Variants in NAT10 observed in about 807,000 individuals in gnomAD.
NAT10 encodes RNA cytidine acetyltransferase.
In NAT10, 109 loss-of-function variants were observed where a neutral mutation model predicts 132.2. That is an observed-to-expected ratio of 0.82 (90% CI 0.71 to 0.97). NAT10 has a LOEUF of 0.97. Ranked by LOEUF, NAT10 falls within the 50% of genes least tolerant of loss-of-function variation. NAT10 has a pLI of 0.00. For missense variants in NAT10, 1,184 were observed against 1,263.4 expected (o/e 0.94, Z 0.95); for synonymous variants, 479 against 478.0 (o/e 1.00, Z -0.03).
chr11:34,109,419 A>G (rs1016505983), intron 3 of NAT10, among the ~76,000 whole-genome samples: 1 of 152,172 alleles, frequency 6.6e-6, no homozygotes, highest in Non-Finnish European at 1.5e-5. Flanking sequence ...TATACCTTAA[A>G]ACAGAAATCT....
intron 28 of NAT10, among the ~76,000 whole-genome samples, 172 bp downstream of exon 28, chr11:34,143,700 G>A (rs1590194601): frequency 6.6e-6 from 1 of 152,350 alleles, no homozygotes; most frequent in Non-Finnish European, 1.5e-5. Flanking sequence ...ATGTCCCACA[G>A]ACCAGGAGGG....
chr11:34,115,004 A>G (rs1194955552), intron 5 of NAT10, among the ~76,000 whole-genome samples: 1 of 152,074 alleles, frequency 6.6e-6, no homozygotes, highest in Non-Finnish European at 1.5e-5. Flanking sequence ...AATACAAAAA[A>G]AATTAACCAG....
intron 8 of NAT10, among the ~76,000 whole-genome samples, chr11:34,119,740 C>T (rs565035329): frequency 1.2e-4 from 18 of 152,134 alleles, no homozygotes; most frequent in Non-Finnish European, 2.5e-4. Context: ...GAATTAAATG[C>T]GAAGGGGTCA....
intron 8 of NAT10, 36 bp from the exon 9 acceptor site, chr11:34,122,423 T>C: frequency 6.2e-7 from 1 of 1,612,928 alleles, no homozygotes; most frequent in Non-Finnish European, 8.5e-7. Context: ...CTTGGGTCTT[T>C]CTTGGAGTTC....
At chr11:34,136,552 C>T in intron 19 of NAT10, 90 bp from the exon 20 acceptor site, 2 of 1,508,048 alleles carry the variant, frequency 1.3e-6, no homozygotes, top group East Asian at 4.5e-5. Flanking sequence ...TTTTGTTGTG[C>T]TAAGTCCAGA....
intron 8 of NAT10, among the ~76,000 whole-genome samples, chr11:34,119,586 CA>C (rs1181032558): frequency 6.6e-6 from 1 of 150,958 alleles, no homozygotes; most frequent in Non-Finnish European, 1.5e-5. Context: ...GGCCTATGAC[CA>C]AAAAAAACCA....
chr11:34,108,329 A>G lies in NAT10; in HGVS notation c.104A>G (p.Asp35Gly). ...LFVVVGDRGKDQVVILHHMLS... is the reference protein window; with the variant it reads ...LFVVVGDRGKGQVVILHHMLS... The stretch of plus-strand genomic sequence containing the variant: ...GTTGTAGTTGGGGATCGAGGAAAAG[A>G]TCAGGTATGGCCTGGTAAATGCTTC... The change falls in exon 2 of 29, where the codon GAT becomes GGT. Residue 35 changes from aspartate to glycine, a missense_variant. Asp to Gly is a moderately conservative substitution (Grantham distance 94, BLOSUM62 -1). Transcript: ENST00000257829. 1 of 1,611,972 alleles carries G rather than the reference A, an allele frequency of 6.2e-7. No individual in the cohort carries two copies.
chr11:34,118,574 A>C, intron 8 of NAT10, 71 bp downstream of exon 8: 1 of 1,291,736 alleles, frequency 7.7e-7, no homozygotes, highest in Non-Finnish European at 1.1e-6. Context: ...ACAGAAGCCA[A>C]GGTACGTTGA....
Position 34,134,569 on chromosome 11 carries a change from C to T in NAT10, c.1894C>T (p.His632Tyr). ...TGGAAGGGTCGTTCGCATTGCTGTT[C>T]ACCCAGATTATCAAGGGGTAATGTG... Reference protein sequence around the residue: ...SGGRVVRIAVHPDYQGMGYGS... With the variant: ...SGGRVVRIAVYPDYQGMGYGS... The change falls in exon 18 of 29, where the codon CAC becomes TAC. Residue 632 changes from histidine (H) to tyrosine (Y), a missense_variant. By Grantham distance (83) the His-to-Tyr change is moderately conservative. Transcript: ENST00000257829. The T allele has an allele frequency of 6.2e-7, 1 of 1,614,114 alleles. No homozygotes were observed. Among genetic ancestry groups the T allele is most frequent in the Non-Finnish European group, 8.5e-7 (1 of 1,180,030 alleles).
At position 34,140,439 on chromosome 11, in the gene NAT10, A is replaced by G. The variant is rs1488931867; in HGVS notation, c.2459A>G (p.Tyr820Cys). ...GAGCTGGAAGCACTCTTCCTCCCCT[A>G]TGACCTGAAGCGGCTGGAGATGTAT... ...REELEALFLP[Y>C]DLKRLEMYSR... The change falls in exon 24 of 29, where the codon TAT becomes TGT. Residue 820 changes from tyrosine to cysteine, a missense_variant. Transcript: ENST00000257829. The G allele has an allele frequency of 1.9e-6, 3 of 1,614,042 alleles. No homozygotes were observed. Among genetic ancestry groups the G allele is most frequent in the Non-Finnish European group, 2.5e-6 (3 of 1,180,008 alleles).
rs2132953193 is a variant in NAT10, at chr11:34,124,375, T to C, written c.1082T>C (p.Phe361Ser). ...FNKAVIRVNVFREHRQTIQYI... is the reference protein window; with the variant it reads ...FNKAVIRVNVSREHRQTIQYI... ...AAAGCAGTGATCAGAGTGAATGTATTTCGAGAACACAGGCAGACTATTCAG... is the reference window on the plus strand; with the variant it reads ...AAAGCAGTGATCAGAGTGAATGTATCTCGAGAACACAGGCAGACTATTCAG... The change falls in exon 11 of 29, where the codon TTT becomes TCT. Residue 361 changes from phenylalanine (F) to serine (S), a missense_variant. By Grantham distance (155) the Phe-to-Ser change is radical. Coordinates refer to ENST00000257829, the MANE Select transcript of NAT10 (RefSeq NM_024662.3). The C allele has an allele frequency of 1.2e-6, 2 of 1,613,914 alleles. No homozygotes were observed. Among genetic ancestry groups the C allele is most frequent in the East Asian group, 4.5e-5 (2 of 44,872 alleles).
Position 34,131,690 on chromosome 11 carries a change from C to CTT in NAT10, c.1520+172_1520+173dup, listed in dbSNP as rs372631421. Among the ~76,000 whole-genome samples, 1,218 of 123,896 alleles carry CTT rather than the reference C, an allele frequency of 9.8e-3. 20 individuals are homozygous for CTT. Among genetic ancestry groups the CTT allele is most frequent in the African/African-American group, 0.033 (1,118 of 33,494 alleles). The allele number at this position is 123,896 out of a possible 152,430, so 81.3% of individuals were successfully genotyped here. A position where few individuals can be genotyped will look rare whatever the true frequency, so the allele number is the denominator to read the frequency against. On this transcript the variant is annotated intron_variant, in intron 14 of 28. Transcript: ENST00000257829. ...TTCTCTTCCTTTTTTTTTTTTCTTT[C>CTT]TTTTTTTTTTTTTTGAGATGGAGTC...
chr11:34,134,975 G>A (rs1852182324), intron 18 of NAT10, among the ~76,000 whole-genome samples, 200 bp from the exon 19 acceptor site: 2 of 152,336 alleles, frequency 1.3e-5, no homozygotes, highest in Admixed American at 1.3e-4. Flanking sequence ...AGCTAGACCA[G>A]TGTTAAGAAC....
intron 11 of NAT10, among the ~76,000 whole-genome samples, chr11:34,126,102 A>G (rs949096491): frequency 6.6e-5 from 10 of 152,234 alleles, no homozygotes; most frequent in Non-Finnish European, 7.3e-5. Context: ...AGAGACCAAT[A>G]TAACATTCAG....
chr11:34,123,938 C>A (rs1244405147), intron 10 of NAT10, 83 bp downstream of exon 10: 3 of 1,065,018 alleles, frequency 2.8e-6, no homozygotes, highest in Non-Finnish European at 4.3e-6. Flanking sequence ...GGGAGGCCGA[C>A]GCGGGCGGAT....
intron 12 of NAT10, among the ~76,000 whole-genome samples, chr11:34,128,603 A>G (rs1438107662): frequency 6.6e-6 from 1 of 152,240 alleles, no homozygotes; most frequent in African/African-American, 2.4e-5. Context: ...ATTATTCTGT[A>G]TGCAGATTTA....
rs1851822645 is a variant in NAT10, at chr11:34,118,431, G to A, written c.708G>A (p.Arg236=). 3 of 1,614,146 alleles carry A rather than the reference G, an allele frequency of 1.9e-6. No individual in the cohort carries two copies. In the East Asian group the frequency reaches 6.7e-5, roughly 36 times the overall value. ...ESLGPSDLEL[R]ELKESLQDTQ... ...TTGGTCCTTCTGATCTGGAGCTGAG[G>A]GAGTTGAAGGAGAGCTTGCAGGACA... Residue 236 remains arginine (R), a synonymous_variant, in exon 8 of 29, where the codon AGG becomes AGA. Transcript: ENST00000257829.
At chr11:34,140,324 GC>G in intron 23 of NAT10, 75 bp from the exon 24 acceptor site, 1 of 1,401,682 alleles carries the variant, frequency 7.1e-7, no homozygotes, top group Non-Finnish European at 9.9e-7. Context: ...GTGTTAGGGT[GC>G]CGCCTGGGGG....
Position 34,118,274 on chromosome 11 carries a change from G to T in NAT10, c.652G>T (p.Ala218Ser). The T allele has an allele frequency of 6.2e-7, 1 of 1,614,142 alleles. No homozygotes were observed. Among genetic ancestry groups the T allele is most frequent in the South Asian group, 1.1e-5 (1 of 91,086 alleles). Residue 218 changes from alanine to serine, a missense_variant, in exon 7 of 29, where the codon GCC (alanine) becomes TCC (serine). Coordinates refer to ENST00000257829, the MANE Select transcript of NAT10 (RefSeq NM_024662.3). ...PISSHVATME[A>S]LPPQTPDESL... is the part of the protein sequence containing the mutation. Reference sequence around the variant, plus strand: ...CTCCTCCCACGTTGCCACCATGGAGGCCCTGCCTCCCCAGACTCCGGTGAG... The same window carrying T: ...CTCCTCCCACGTTGCCACCATGGAGTCCCTGCCTCCCCAGACTCCGGTGAG...
Sources: gnomAD v4.1 joint callset for allele counts (sites outside exome capture counted in the v4.1 genomes callset) on GRCh38, gnomAD v4.1.1 for gene constraint, MANE v1.5 for transcripts, NCBI Gene and HGNC (gene_info 2026-07-23, HGNC 2026-07-21) for gene names.